Variants in PTPRZ1 observed in about 807,000 individuals in gnomAD.
PTPRZ1 encodes protein tyrosine phosphatase receptor type Z1, also known as receptor-type tyrosine-protein phosphatase zeta.
PTPRZ1 carries 82 observed loss-of-function variants against 214.1 expected under a neutral mutation model. The ratio of observed to expected loss-of-function variants is 0.38; its 90% CI spans 0.32 to 0.46. The LOEUF is 0.46. Ranked by LOEUF, PTPRZ1 falls within the 20% of genes least tolerant of loss-of-function variation. The probability of loss-of-function intolerance (pLI) is 1.00; values close to 1 mark genes in which losing one functional copy is unlikely to be tolerated. For synonymous variants in PTPRZ1, 945 were observed against 987.9 expected, an observed-to-expected ratio of 0.96 and a Z score of 0.81; for missense variants, 2,603 against 2,748.7, an observed-to-expected ratio of 0.95 and a Z score of 1.19.
chr7:121,900,090 CCTGAGAGACAGGTTGAG>C (rs1327407084), intron 1 of PTPRZ1, among the ~76,000 whole-genome samples: 2 of 152,078 alleles, frequency 1.3e-5, no homozygotes, highest in Non-Finnish European at 2.9e-5. Context: ...GGTATTGAAA[CCTGAGAGACAGGTTGAG>C]AGCCTGTATT....
chr7:122,019,582 AGTT>A (rs1288282111), intron 13 of PTPRZ1, among the ~76,000 whole-genome samples: 1 of 151,960 alleles, frequency 6.6e-6, no homozygotes, highest in Non-Finnish European at 1.5e-5. Flanking sequence ...GCTTCTCGTT[AGTT>A]GTTATAATTC....
chr7:121,933,049 T>C (rs2116390960), intron 2 of PTPRZ1, among the ~76,000 whole-genome samples: 1 of 152,164 alleles, frequency 6.6e-6, no homozygotes, highest in South Asian at 2.1e-4. Context: ...ATCTGACTCT[T>C]TCTGTAACAA....
intron 23 of PTPRZ1, among the ~76,000 whole-genome samples, chr7:122,048,317 A>C (rs1792063012): frequency 6.6e-6 from 1 of 152,110 alleles, no homozygotes; most frequent in African/African-American, 2.4e-5. Context: ...CTGTGTCCAG[A>C]TTGATGAAGG....
chr7:121,984,150 C>T (rs752773390), intron 8 of PTPRZ1, 33 bp downstream of exon 8: 2 of 1,586,440 alleles, frequency 1.3e-6, no homozygotes, highest in South Asian at 1.1e-5. Context: ...CTACAACTCT[C>T]ATAGATGCAG....
chr7:121,963,925 G>A (rs555146693), intron 2 of PTPRZ1, among the ~76,000 whole-genome samples: 17 of 149,174 alleles, frequency 1.1e-4, no homozygotes, highest in Admixed American at 4.0e-4. Flanking sequence ...GTGTCATTGC[G>A]CTATATGTTG....
intron 3 of PTPRZ1, among the ~76,000 whole-genome samples, chr7:121,968,622 T>C (rs1217821893): frequency 6.7e-6 from 1 of 148,516 alleles, no homozygotes; most frequent in Non-Finnish European, 1.5e-5. Flanking sequence ...AGTGTCTTTT[T>C]ATTGAGCCTA....
chr7:121,974,748 A>G (rs1415508781), intron 4 of PTPRZ1, among the ~76,000 whole-genome samples: 2 of 152,028 alleles, frequency 1.3e-5, no homozygotes, highest in Non-Finnish European at 2.9e-5. Flanking sequence ...TCAGTCTCCC[A>G]AAGTGCTGGG....
chr7:121,966,807 C>G (rs1391935724), intron 2 of PTPRZ1: 2 of 152,172 alleles, frequency 1.3e-5, no homozygotes, highest in African/African-American at 2.4e-5. Flanking sequence ...CACTGACTCA[C>G]TTATCACAAA....
intron 4 of PTPRZ1, among the ~76,000 whole-genome samples, chr7:121,973,386 T>A (rs1178575249): frequency 6.6e-6 from 1 of 152,156 alleles, no homozygotes; most frequent in East Asian, 1.9e-4. Context: ...TTAAGTGGTA[T>A]AACCAGTATT....
intron 1 of PTPRZ1, among the ~76,000 whole-genome samples, chr7:121,902,947 A>G (rs982483032): frequency 6.6e-6 from 1 of 152,130 alleles, no homozygotes; most frequent in Admixed American, 6.5e-5. Context: ...CAGCAGATTT[A>G]CTTTTTGATG....
intron 8 of PTPRZ1, among the ~76,000 whole-genome samples, chr7:121,990,930 TC>T (rs1461076021): frequency 6.6e-6 from 1 of 152,212 alleles, no homozygotes; most frequent in Non-Finnish European, 1.5e-5. Flanking sequence ...ATGCACGCCT[TC>T]CAGGCATCAG....
In PTPRZ1 at chr7:122,058,891, T is replaced by C. The variant is rs191725137; in HGVS notation, c.6620T>C (p.Val2207Ala). 5.6e-6 allele frequency: 9 copies of C among 1,593,044 alleles called. No homozygotes were observed. The highest frequency in any genetic ancestry group is 1.7e-5 in the Admixed American group (1 of 59,948). Reference sequence around the variant, plus strand: ...AGTAAAACTTTTGAACTTATAAGTGTTATAAAAGAAGAAGCTGCCAATAGG... The same window carrying C: ...AGTAAAACTTTTGAACTTATAAGTGCTATAAAAGAAGAAGCTGCCAATAGG... The part of the protein sequence containing the change: ...PISKTFELIS[V>A]IKEEAANRDG... The change falls in exon 28 of 30, where the codon GTT (valine) becomes GCT (alanine). Residue 2207 changes from valine to alanine, a missense_variant. Around this residue, in one of 6 missense-constraint regions of PTPRZ1, gnomAD observed 165 missense variants for 151.4 expected, o/e 1.09. Coordinates refer to ENST00000393386, the MANE Select transcript of PTPRZ1 (RefSeq NM_002851.3).
At chr7:121,977,106 A>T (rs1343301367) in intron 6 of PTPRZ1, among the ~76,000 whole-genome samples, 1 of 152,164 alleles carries the variant, frequency 6.6e-6, no homozygotes, top group Non-Finnish European at 1.5e-5. Flanking sequence ...AAATTCTTGA[A>T]AATAATCTAA....
intron 23 of PTPRZ1, among the ~76,000 whole-genome samples, chr7:122,048,705 TTAAC>T (rs1257196324): frequency 6.6e-6 from 1 of 152,106 alleles, no homozygotes; most frequent in African/African-American, 2.4e-5. Context: ...TATAGAAAAT[TTAAC>T]TAGGCCAATA....
chr7:121,927,085 C>T (rs1795787351), intron 1 of PTPRZ1, among the ~76,000 whole-genome samples: 1 of 151,996 alleles, frequency 6.6e-6, no homozygotes, highest in Non-Finnish European at 1.5e-5. Context: ...TCTGAAATGT[C>T]CTTGAGATAT....
chr7:121,908,355 ATCCCT>A, intron 1 of PTPRZ1: 1 of 233,650 alleles, frequency 4.3e-6, no homozygotes, highest in Non-Finnish European at 8.6e-6. Context: ...GTGTAGATCA[ATCCCT>A]TTGGAAAAGA....
At chr7:122,014,684 C>T (rs1476299882) in intron 12 of PTPRZ1, among the ~76,000 whole-genome samples, 3 of 152,124 alleles carry the variant, frequency 2.0e-5, no homozygotes, top group Non-Finnish European at 2.9e-5. Context: ...GTGATCCACC[C>T]GCCTCGGCCT....
In PTPRZ1 at chr7:122,059,872, G is replaced by C. The variant is rs918184220; in HGVS notation, c.6791G>C (p.Gly2264Ala). The part of the protein sequence containing the change: ...VAKMINLMRP[G>A]VFADIEQYQF... ...AAGATGATCAATCTGATGAGGCCAG[G>C]AGTCTTTGCTGACATTGTAAGTAAC... is the stretch of plus-strand genomic sequence containing the variant. Residue 2264 changes from glycine to alanine, a missense_variant, in exon 29 of 30, where the codon GGA (glycine) becomes GCA (alanine). Gly to Ala is a moderately conservative substitution (Grantham distance 60, BLOSUM62 0). Transcript: ENST00000393386. 1 of 1,610,330 alleles carries C rather than the reference G, an allele frequency of 6.2e-7. No homozygotes were observed.
At chr7:121,948,753 A>G (rs1192814647) in intron 2 of PTPRZ1, among the ~76,000 whole-genome samples, 1 of 109,562 alleles carries the variant, frequency 9.1e-6, no homozygotes, top group Non-Finnish European at 1.9e-5. Context: ...TGGTCCTCAT[A>G]CAATCCATTT....
Sources: allele counts gnomAD v4.1 joint callset (sites outside exome capture counted in the v4.1 genomes callset), GRCh38; gene constraint gnomAD v4.1.1; regional missense constraint gnomAD v4.1.1; transcripts MANE v1.5; gene names NCBI Gene and HGNC (gene_info 2026-07-23, HGNC 2026-07-21).